RUNX1T1: variants seen among roughly 807,000 people sequenced by gnomAD.
RUNX1T1 encodes RUNX1 partner transcriptional co-repressor 1, also known as protein CBFA2T1.
Under a neutral mutation model 62.8 loss-of-function variants are expected in RUNX1T1, and 4 were observed. The ratio of observed to expected loss-of-function variants is 0.06; its 90% CI spans 0.03 to 0.15. The LOEUF is 0.15. Among genes scored for constraint, RUNX1T1 ranks in the 10% least tolerant of loss-of-function variants. The pLI is 1.00. For missense variants in RUNX1T1, 508 were observed against 754.3 expected (o/e 0.67, Z 3.82); for synonymous variants, 291 against 286.0 (o/e 1.02, Z -0.18).
chr8:92,059,125 A>G (rs925698475), intron 1 of RUNX1T1, among the ~76,000 whole-genome samples: 1 of 152,204 alleles, frequency 6.6e-6, no homozygotes, highest in East Asian at 1.9e-4. Context: ...CAAAAAAGTA[A>G]TGCTGCATAA....
chr8:92,037,968 C>T (rs544854131), intron 1 of RUNX1T1, among the ~76,000 whole-genome samples: 1 of 152,200 alleles, frequency 6.6e-6, no homozygotes, highest in Admixed American at 6.5e-5. Flanking sequence ...GGAATCAATC[C>T]TCTCCTGACC....
At chr8:92,034,797 T>TACACAC (rs200718439) in intron 1 of RUNX1T1, among the ~76,000 whole-genome samples, 1,936 of 96,794 alleles carry the variant, frequency 0.02, 44 homozygotes, top group Middle Eastern at 0.039. Context: ...TATACATATA[T>TACACAC]ACACACACAC....
intron 2 of RUNX1T1, 118 bp downstream of exon 2, chr8:92,075,847 G>A (rs1157541469): frequency 3.5e-6 from 3 of 854,848 alleles, no homozygotes; most frequent in Non-Finnish European, 3.5e-6. Context: ...AATAGAACAG[G>A]CACTAGAAGA....
chr8:92,054,295 G>A lies in RUNX1T1; in HGVS notation c.7+8251C>T, dbSNP rs535650393. ...GGGTAAACCGCTGACATAAAGATGA[G>A]GCAGAAAATCCTATCAAGCATAGGC... On this transcript the variant is annotated intron_variant, in intron 1 of 10. Coordinates refer to ENST00000396218, the Ensembl canonical transcript of RUNX1T1. Among the ~76,000 whole-genome samples, 4 of 152,228 alleles carry A rather than the reference G, an allele frequency of 2.6e-5. No homozygotes were observed. The South Asian group carries it at 8.3e-4, about 32-fold the overall frequency.
chr8:91,987,908 G>T (rs1368647769), intron 6 of RUNX1T1, among the ~76,000 whole-genome samples: 1 of 152,028 alleles, frequency 6.6e-6, no homozygotes, highest in Non-Finnish European at 1.5e-5. Context: ...ATTATTTTTG[G>T]TTACCAATTT....
chr8:91,955,944 T>A (rs1224169944), downstream of RUNX1T1: 1 of 229,760 alleles, frequency 4.4e-6, no homozygotes, highest in East Asian at 6.2e-5. Context: ...ATAGCCACAG[T>A]GGATATTAAC....
intron 5 of RUNX1T1, among the ~76,000 whole-genome samples, chr8:91,999,550 G>C (rs942218171): frequency 6.6e-6 from 1 of 152,198 alleles, no homozygotes; most frequent in Admixed American, 6.5e-5. Context: ...ACGGCTATGA[G>C]AGCATGGGCA....
chr8:92,052,373 T>C (rs1830370685), intron 1 of RUNX1T1, among the ~76,000 whole-genome samples: 1 of 152,180 alleles, frequency 6.6e-6, no homozygotes, highest in Non-Finnish European at 1.5e-5. Context: ...TCAACTTAGC[T>C]GTGTGGGCAT....
upstream of RUNX1T1, among the ~76,000 whole-genome samples, chr8:92,065,944 C>G (rs142235239): frequency 1.3e-3 from 198 of 152,320 alleles, no homozygotes; most frequent in African/African-American, 4.4e-3. Flanking sequence ...CAAATACTTT[C>G]CTACCCCATC....
intron 5 of RUNX1T1, chr8:92,004,747 T>C (rs1411752221): frequency 5.9e-6 from 1 of 170,468 alleles, no homozygotes; most frequent in African/African-American, 2.4e-5. Context: ...ACAGCCAATT[T>C]CAGAATATTG....
intron 1 of RUNX1T1, among the ~76,000 whole-genome samples, chr8:92,034,082 A>G (rs1396401810): frequency 6.6e-6 from 1 of 152,186 alleles, no homozygotes; most frequent in Non-Finnish European, 1.5e-5. Context: ...AAGGGGTTAA[A>G]GAGGCGGAGT....
At chr8:92,003,348 T>G (rs1820123579) in intron 5 of RUNX1T1, 1 of 456,100 alleles carries the variant, frequency 2.2e-6, no homozygotes, top group African/African-American at 2.0e-5. Context: ...CATTCAAATA[T>G]GAAATACTGG....
chr8:92,100,981 A>G (rs1394040005), upstream of RUNX1T1, among the ~76,000 whole-genome samples: 2 of 152,232 alleles, frequency 1.3e-5, no homozygotes, highest in Non-Finnish European at 2.9e-5. Flanking sequence ...ATAAACTAAA[A>G]GGAGGCCCCC....
downstream of RUNX1T1, chr8:91,957,669 G>A: frequency 4.4e-6 from 1 of 226,976 alleles, no homozygotes; most frequent in Non-Finnish European, 8.8e-6. Flanking sequence ...CTCATTTTTG[G>A]GATTATTTAA....
intron 1 of RUNX1T1, among the ~76,000 whole-genome samples, chr8:92,056,066 C>A (rs983101009): frequency 6.6e-6 from 1 of 152,112 alleles, no homozygotes; most frequent in Non-Finnish European, 1.5e-5. Flanking sequence ...AAATTGTTAC[C>A]TCAGGACCCT....
intron 8 of RUNX1T1, among the ~76,000 whole-genome samples, chr8:91,982,147 C>T (rs1237868751): frequency 6.7e-6 from 1 of 149,504 alleles, no homozygotes; most frequent in Non-Finnish European, 1.5e-5. Context: ...ACTTAGGGGG[C>T]TGAGGTGGGA....
intron 1 of RUNX1T1, among the ~76,000 whole-genome samples, chr8:92,089,027 C>T (rs758040610): frequency 1.4e-4 from 21 of 152,172 alleles, no homozygotes; most frequent in Non-Finnish European, 3.1e-4. Flanking sequence ...AGCAACAGTG[C>T]TTCCTCTGAC....
At chr8:91,977,778 A>T (rs1046394514) in intron 8 of RUNX1T1, among the ~76,000 whole-genome samples, 3 of 151,888 alleles carry the variant, frequency 2.0e-5, no homozygotes, top group Admixed American at 2.0e-4. Flanking sequence ...GTAGTTAATA[A>T]AAACTTATTT....
chr8:91,971,581 T>C (rs1004879287), intron 9 of RUNX1T1, among the ~76,000 whole-genome samples: 2 of 152,228 alleles, frequency 1.3e-5, no homozygotes, highest in Admixed American at 6.5e-5. Context: ...TGAAAAGTCA[T>C]TTCCTGAGTA....
Sources: gnomAD v4.1 joint callset for allele counts (sites outside exome capture counted in the v4.1 genomes callset) on GRCh38, gnomAD v4.1.1 for gene constraint, MANE v1.5 for transcripts, NCBI Gene and HGNC (gene_info 2026-07-23, HGNC 2026-07-21) for gene names.